CDH19: variants seen among roughly 807,000 people sequenced by gnomAD.
CDH19 encodes cadherin-19.
In CDH19, 67 loss-of-function variants were observed where a neutral mutation model predicts 64.2. The ratio of observed to expected loss-of-function variants is 1.04; its 90% CI spans 0.86 to 1.28. CDH19 has a LOEUF of 1.28. Among genes scored for constraint, CDH19 ranks in the 50% most tolerant of loss-of-function variants. The pLI is 0.00. For missense variants in CDH19, 1,030 were observed against 929.0 expected, an observed-to-expected ratio of 1.11 and a Z score of -1.41; for synonymous variants, 346 against 319.3, an observed-to-expected ratio of 1.08 and a Z score of -0.89.
intron 1 of CDH19, among the ~76,000 whole-genome samples, chr18:66,591,958 G>C (rs1988759760): frequency 6.6e-6 from 1 of 151,740 alleles, no homozygotes; most frequent in Non-Finnish European, 1.5e-5. Context: ...GCATTTCAAA[G>C]TGCATACTGA....
chr18:66,568,850 A>G, intron 2 of CDH19, 140 bp from the exon 3 acceptor site: 1 of 644,416 alleles, frequency 1.6e-6, no homozygotes, highest in East Asian at 2.8e-5. Context: ...AAATGAGGCA[A>G]AATATTAATA....
At position 66,503,304 on chromosome 18, in the gene CDH19, G is replaced by T. The variant is rs569780285; in HGVS notation, c.*1508C>A. ...GCTTAGCATTGATTTCCTTCTTAAG[G>T]CTACAATAAATGTATCTATTGCACC... On this transcript the variant is annotated 3_prime_UTR_variant, in exon 12 of 12. Transcript: ENST00000262150. 4.3e-4 allele frequency: 65 copies of T among 151,656 alleles called. No individual in the cohort carries two copies. Among genetic ancestry groups the T allele is most frequent in the African/African-American group, 1.5e-3 (63 of 41,454 alleles). 9.4% of individuals were successfully genotyped at this position (151,656 alleles called of 1,614,324 possible). A position where few individuals can be genotyped will look rare whatever the true frequency, so the allele number is the denominator to read the frequency against.
At chr18:66,511,294 T>A (rs1181856059) in intron 10 of CDH19, among the ~76,000 whole-genome samples, 1 of 151,686 alleles carries the variant, frequency 6.6e-6, no homozygotes, top group African/African-American at 2.4e-5. Context: ...ACTGCAATTA[T>A]ATTCGCAGGG....
chr18:66,548,689 A>G (rs1396374115), intron 5 of CDH19, among the ~76,000 whole-genome samples: 1 of 152,138 alleles, frequency 6.6e-6, no homozygotes, highest in Non-Finnish European at 1.5e-5. Flanking sequence ...AGTTTGGTCA[A>G]GTAGTGTGGA....
chr18:66,548,018 A>T (rs1343129092), intron 5 of CDH19, among the ~76,000 whole-genome samples: 1 of 147,476 alleles, frequency 6.8e-6, no homozygotes, highest in Non-Finnish European at 1.5e-5. Context: ...ATATATGTGC[A>T]TTATATACTA....
intron 3 of CDH19, 25 bp downstream of exon 3, chr18:66,568,391 T>G (rs1273778229): frequency 1.2e-5 from 19 of 1,556,340 alleles, no homozygotes; most frequent in Non-Finnish European, 1.7e-5. Context: ...TTAATATATC[T>G]TTGATGTAAA....
At chr18:66,515,943 G>T (rs943185933) in intron 9 of CDH19, among the ~76,000 whole-genome samples, 1 of 151,846 alleles carries the variant, frequency 6.6e-6, no homozygotes, top group Non-Finnish European at 1.5e-5. Flanking sequence ...TCACATTCTA[G>T]TGGTGAAGAA....
intron 5 of CDH19, among the ~76,000 whole-genome samples, chr18:66,545,959 A>AT (rs1987101133): frequency 7.1e-6 from 1 of 140,966 alleles, no homozygotes; most frequent in African/African-American, 2.7e-5. Flanking sequence ...TTTTTTTTTT[A>AT]TTTTTCAGGA....
chr18:66,514,794 C>T (rs374315225), intron 9 of CDH19, among the ~76,000 whole-genome samples: 3 of 151,424 alleles, frequency 2.0e-5, no homozygotes, highest in South Asian at 2.1e-4. Flanking sequence ...GATTAATTAT[C>T]CTGAGCCAAA....
intron 9 of CDH19, among the ~76,000 whole-genome samples, chr18:66,524,708 G>T (rs1001331346): frequency 6.6e-6 from 1 of 151,866 alleles, no homozygotes; most frequent in African/African-American, 2.4e-5. Context: ...ACAAATCCAT[G>T]CTGAGTCTAT....
chr18:66,583,251 CAT>C (rs1348790798), intron 1 of CDH19, among the ~76,000 whole-genome samples: 3 of 151,918 alleles, frequency 2.0e-5, no homozygotes, highest in Admixed American at 2.0e-4. Context: ...GTTTAAAAAA[CAT>C]AGTGACAGGA....
chr18:66,534,590 A>T (rs551493210), intron 8 of CDH19, among the ~76,000 whole-genome samples: 6 of 152,114 alleles, frequency 3.9e-5, no homozygotes, highest in African/African-American at 1.4e-4. Flanking sequence ...TATTTCTTTA[A>T]GCTTTAATAA....
chr18:66,576,006 G>A (rs1430543814), intron 1 of CDH19, among the ~76,000 whole-genome samples: 1 of 151,244 alleles, frequency 6.6e-6, no homozygotes, highest in Non-Finnish European at 1.5e-5. Context: ...TATAATAATG[G>A]TACATGCGCA....
At chr18:66,517,827 T>A (rs7234934) in intron 9 of CDH19, among the ~76,000 whole-genome samples, 35,363 of 147,306 alleles carry the variant, frequency 0.24, 4,377 homozygotes, top group Middle Eastern at 0.34. Context: ...TTTGGATATA[T>A]TATATCAAAT....
intron 1 of CDH19, among the ~76,000 whole-genome samples, chr18:66,582,639 C>CA (rs11410904): frequency 0.45 from 32,762 of 72,600 alleles, 6,071 homozygotes; most frequent in South Asian, 0.57. Flanking sequence ...TTACTGTCAC[C>CA]AAAAAAAAAA....
chr18:66,518,001 A>G (rs1985813709), intron 9 of CDH19, among the ~76,000 whole-genome samples: 1 of 151,838 alleles, frequency 6.6e-6, no homozygotes, highest in African/African-American at 2.4e-5. Context: ...TGTACTTTAT[A>G]TATTGTATGA....
intron 8 of CDH19, 91 bp from the exon 9 acceptor site, chr18:66,530,057 T>C (rs980659719): frequency 1.3e-5 from 7 of 552,538 alleles, no homozygotes; most frequent in Non-Finnish European, 2.0e-5. Flanking sequence ...GGCTACGTGG[T>C]GTATTTTTAT....
intron 3 of CDH19, among the ~76,000 whole-genome samples, chr18:66,566,603 T>C (rs529720390): frequency 6.6e-6 from 1 of 152,018 alleles, no homozygotes; most frequent in South Asian, 2.1e-4. Flanking sequence ...AATTAAACTG[T>C]TGTACTTATC....
intron 1 of CDH19, among the ~76,000 whole-genome samples, chr18:66,602,398 T>G (rs534323727): frequency 6.6e-6 from 1 of 151,944 alleles, no homozygotes; most frequent in Admixed American, 6.6e-5. Flanking sequence ...TAATAATGCA[T>G]AGGAGGCATC....
Sources: allele counts gnomAD v4.1 joint callset (sites outside exome capture counted in the v4.1 genomes callset), GRCh38; gene constraint gnomAD v4.1.1; transcripts MANE v1.5; gene names NCBI Gene and HGNC (gene_info 2026-07-23, HGNC 2026-07-21).